SCN7A: variants seen among roughly 807,000 people sequenced by gnomAD.
SCN7A encodes the protein sodium channel protein type 7 subunit alpha.
Under a neutral mutation model 155.2 loss-of-function variants are expected in SCN7A, and 138 were observed. The ratio of observed to expected loss-of-function variants is 0.89; its 90% CI spans 0.77 to 1.02. The LOEUF is 1.02. SCN7A is among the 50% of genes least tolerant of loss of function. SCN7A has a pLI of 0.00. For missense variants in SCN7A, 2,058 were observed against 1,986.6 expected (o/e 1.04, Z -0.68); for synonymous variants, 693 against 649.0 (o/e 1.07, Z -1.03).
intron 25 of SCN7A, among the ~76,000 whole-genome samples, chr2:166,409,379 T>C (rs554869950): frequency 1.1e-3 from 169 of 152,078 alleles, no homozygotes; most frequent in Middle Eastern, 3.4e-3. Context: ...GTGTATATTA[T>C]AGAATGAAGG....
chr2:166,409,553 GA>G, intron 25 of SCN7A, 111 bp downstream of exon 25: 1 of 826,918 alleles, frequency 1.2e-6, no homozygotes, highest in Non-Finnish European at 1.8e-6. Flanking sequence ...TGCTTATTAG[GA>G]GACTATATTT....
intron 8 of SCN7A, 73 bp downstream of exon 8, chr2:166,465,708 A>T: frequency 6.6e-7 from 1 of 1,503,952 alleles, no homozygotes; most frequent in South Asian, 1.1e-5. Context: ...TGAGTGTTCA[A>T]CATTTCTGGG....
At chr2:166,421,730 C>T (rs1054980849) in intron 19 of SCN7A, among the ~76,000 whole-genome samples, 1 of 151,678 alleles carries the variant, frequency 6.6e-6, no homozygotes, top group African/African-American at 2.4e-5. Flanking sequence ...ATGGTTAAGA[C>T]AATATACATG....
chr2:166,457,924 G>A (rs976431812), intron 10 of SCN7A, among the ~76,000 whole-genome samples: 1 of 152,100 alleles, frequency 6.6e-6, no homozygotes, highest in African/African-American at 2.4e-5. Context: ...ATATTGTGTG[G>A]ATGTAACAAT....
chr2:166,443,733 C>T, intron 13 of SCN7A, 57 bp from the exon 14 acceptor site: 2 of 1,265,438 alleles, frequency 1.6e-6, no homozygotes, highest in Non-Finnish European at 2.2e-6. Context: ...GTATCAGAAT[C>T]TTCACACACA....
At position 166,410,370 on chromosome 2, in the gene SCN7A, AT is replaced by A. The variant is rs1480940874; in HGVS notation, c.3607-47del. On this transcript the variant is annotated intron_variant, in intron 23 of 25. Coordinates refer to ENST00000643258, the MANE Select transcript of SCN7A (RefSeq NM_002976.4). ...TATATTAAAATCACACTTAATCCAA[AT>A]TTTCCCTTATGTTAATAGGCATTTT... 3.0e-6 allele frequency: 4 copies of A among 1,336,806 alleles called. No individual in the cohort carries two copies. The Admixed American group carries it at 7.3e-5, about 24-fold the overall frequency. The allele number at this position is 1,336,806 out of a possible 1,614,324, so 82.8% of individuals were successfully genotyped here.
intron 9 of SCN7A, among the ~76,000 whole-genome samples, chr2:166,465,052 T>A (rs1395411220): frequency 6.6e-6 from 1 of 152,210 alleles, no homozygotes; most frequent in East Asian, 1.9e-4. Flanking sequence ...GGGCCTTTGA[T>A]AGGTGATTAG....
chr2:166,416,406 T>C (rs1179088993), intron 21 of SCN7A, among the ~76,000 whole-genome samples: 1 of 152,134 alleles, frequency 6.6e-6, no homozygotes, highest in East Asian at 1.9e-4. Context: ...AAGGCTCAGG[T>C]GGGCATCATG....
chr2:166,481,425 AT>A (rs1014348410), intron 2 of SCN7A, among the ~76,000 whole-genome samples: 10 of 152,360 alleles, frequency 6.6e-5, no homozygotes, highest in South Asian at 2.1e-4. Context: ...CTACAAAAAA[AT>A]ATAATAGAAA....
chr2:166,416,699 G>T lies in SCN7A; in HGVS notation c.3414+8C>A, dbSNP rs1237183821. On this transcript the variant is annotated splice_region_variant and intron_variant, in intron 21 of 25. Coordinates refer to ENST00000643258, the MANE Select transcript of SCN7A (RefSeq NM_002976.4). Reference sequence around the variant, plus strand: ...TAATTAATAAGGAAAAGTCAAAAGTGTACTTACTACTTGAAGCAGAGAAAG... The same window carrying T: ...TAATTAATAAGGAAAAGTCAAAAGTTTACTTACTACTTGAAGCAGAGAAAG... 6.3e-7 allele frequency: 1 copy of T among 1,592,498 alleles called. No individual in the cohort carries two copies. Among genetic ancestry groups the T allele is most frequent in the Admixed American group, 1.8e-5 (1 of 56,830 alleles).
In SCN7A at chr2:166,472,360, C is replaced by G; in HGVS notation, c.529G>C (p.Gly177Arg). ...GVWAGSFSFL[G>R]DPWNWLDFSV... ...AAATCGAGCCAGTTCCATGGATCACCGAGGAAGGAAAATGATCCTGCCCAG... is the reference window on the plus strand; with the variant it reads ...AAATCGAGCCAGTTCCATGGATCACGGAGGAAGGAAAATGATCCTGCCCAG... Residue 177 changes from glycine (G) to arginine (R), a missense_variant, in exon 6 of 26, where the codon GGT becomes CGT. Coordinates refer to ENST00000643258, the MANE Select transcript of SCN7A (RefSeq NM_002976.4). 1.2e-6 allele frequency: 2 copies of G among 1,608,262 alleles called. No homozygotes were observed. Among genetic ancestry groups the G allele is most frequent in the East Asian group, 2.2e-5 (1 of 44,752 alleles).
chr2:166,450,569 A>T (rs1259449303), intron 11 of SCN7A, among the ~76,000 whole-genome samples: 1 of 152,196 alleles, frequency 6.6e-6, no homozygotes, highest in African/African-American at 2.4e-5. Flanking sequence ...TGGGAGGCCG[A>T]GGCGAGCAGA....
At chr2:166,438,972 A>AATATAT (rs3058347) in intron 15 of SCN7A, among the ~76,000 whole-genome samples, 1 of 141,032 alleles carries the variant, frequency 7.1e-6, no homozygotes, top group Non-Finnish European at 1.5e-5. Context: ...TGTTTAGGCA[A>AATATAT]ATATATATAT....
intron 25 of SCN7A, among the ~76,000 whole-genome samples, chr2:166,408,837 T>C (rs1311202802): frequency 1.3e-5 from 2 of 152,012 alleles, no homozygotes; most frequent in African/African-American, 4.8e-5. Context: ...ATATGTGTGT[T>C]ATGTGGAAAC....
chr2:166,410,327 A>T lies in SCN7A; in HGVS notation c.3607-3T>A. The T allele has an allele frequency of 6.6e-7, 1 of 1,518,678 alleles. No homozygotes were observed. Among genetic ancestry groups the T allele is most frequent in the Non-Finnish European group, 8.9e-7 (1 of 1,129,336 alleles). The allele number at this position is 1,518,678 out of a possible 1,614,324, so 94.1% of individuals were successfully genotyped here. A position where few individuals can be genotyped will look rare whatever the true frequency, so the allele number is the denominator to read the frequency against. On this transcript the variant is annotated splice_polypyrimidine_tract_variant and splice_region_variant and intron_variant, in intron 23 of 25. Transcript: ENST00000643258. Reference sequence around the variant, plus strand: ...ATAAAGATATTTGAGCCTCCCAGGTAAAGAAAGGAAAGAAAAATATATTAA... The same window carrying T: ...ATAAAGATATTTGAGCCTCCCAGGTTAAGAAAGGAAAGAAAAATATATTAA...
In SCN7A at chr2:166,456,961, T is replaced by G; in HGVS notation, c.1199A>C (p.Glu400Ala). ...LGILAMAYEE[E>A]KQRVGEISKK... ...AGATATTTCACCAACTCTCTGCTTT[T>G]CTTCTTCATAGGCCATGGCAAGTAT... Residue 400 changes from glutamate (E) to alanine (A), a missense_variant, in exon 11 of 26, where the codon GAA (glutamate) becomes GCA (alanine). Coordinates refer to ENST00000643258, the MANE Select transcript of SCN7A (RefSeq NM_002976.4). 1 of 1,599,402 alleles carries G rather than the reference T, an allele frequency of 6.3e-7. No homozygotes were observed. Among genetic ancestry groups the G allele is most frequent in the South Asian group, 1.1e-5 (1 of 88,332 alleles).
At chr2:166,465,600 G>T in intron 8 of SCN7A, 69 bp from the exon 9 acceptor site, 3 of 1,302,420 alleles carry the variant, frequency 2.3e-6, no homozygotes, top group Non-Finnish European at 3.3e-6. Flanking sequence ...AAGTCCATTT[G>T]GATCTCTGCA....
intron 10 of SCN7A, among the ~76,000 whole-genome samples, chr2:166,460,033 G>A (rs571396474): frequency 2.0e-5 from 3 of 152,124 alleles, no homozygotes; most frequent in South Asian, 4.1e-4. Context: ...TGTAGATGAC[G>A]AGTTGATGGG....
chr2:166,481,308 A>G (rs1390746706), intron 2 of SCN7A, among the ~76,000 whole-genome samples: 1 of 152,218 alleles, frequency 6.6e-6, no homozygotes, highest in African/African-American at 2.4e-5. Flanking sequence ...TCAAAATAAT[A>G]TGAGTAAAAA....
Sources: allele counts gnomAD v4.1 joint callset (sites outside exome capture counted in the v4.1 genomes callset), GRCh38; gene constraint gnomAD v4.1.1; transcripts MANE v1.5; gene names NCBI Gene and HGNC (gene_info 2026-07-23, HGNC 2026-07-21).